Variants in TSHZ2 observed in about 807,000 individuals in gnomAD.
TSHZ2 encodes teashirt zinc finger homeobox 2.
Under a neutral mutation model 74.4 loss-of-function variants are expected in TSHZ2, and 21 were observed. The ratio of observed to expected loss-of-function variants is 0.28; its 90% confidence interval spans 0.20 to 0.41. The LOEUF is 0.41. Among genes scored for constraint, TSHZ2 ranks in the 10% least tolerant of loss-of-function variants. The pLI, the probability that TSHZ2 is intolerant of heterozygous loss-of-function variation, is 1.00. For synonymous variants in TSHZ2, 540 were observed against 515.3 expected, an observed-to-expected ratio of 1.05 and a Z score of -0.65; for missense variants, 1,244 against 1,293.5, an observed-to-expected ratio of 0.96 and a Z score of 0.59.
chr20:52,998,968 C>T (rs1430796707), intron 1 of TSHZ2, among the ~76,000 whole-genome samples: 2 of 152,186 alleles, frequency 1.3e-5, no homozygotes, highest in Non-Finnish European at 2.9e-5. Flanking sequence ...TAAGCACTTT[C>T]CACACATTCA....
At chr20:53,024,683 T>TC (rs1260745124) in intron 1 of TSHZ2, among the ~76,000 whole-genome samples, 1 of 152,100 alleles carries the variant, frequency 6.6e-6, no homozygotes, top group Non-Finnish European at 1.5e-5. Context: ...TGTGTGATGT[T>TC]CCCCCCACTG....
intron 1 of TSHZ2, among the ~76,000 whole-genome samples, chr20:53,137,498 C>T (rs910045209): frequency 6.6e-6 from 1 of 152,046 alleles, no homozygotes; most frequent in African/African-American, 2.4e-5. Flanking sequence ...CAGGAACTGC[C>T]CCTCCATTAA....
chr20:53,422,619 C>G (rs1384841070), intron 2 of TSHZ2, among the ~76,000 whole-genome samples: 1 of 152,160 alleles, frequency 6.6e-6, no homozygotes, highest in Non-Finnish European at 1.5e-5. Context: ...AAATTGACTT[C>G]CAGCACCACA....
intron 2 of TSHZ2, among the ~76,000 whole-genome samples, chr20:53,273,591 C>G (rs1990882864): frequency 6.6e-6 from 1 of 152,128 alleles, no homozygotes; most frequent in Admixed American, 6.5e-5. Flanking sequence ...GCCCAGCCTA[C>G]TTTCATTTTT....
At chr20:53,448,766 C>T (rs1487526755) in intron 2 of TSHZ2, among the ~76,000 whole-genome samples, 1 of 152,088 alleles carries the variant, frequency 6.6e-6, no homozygotes, top group African/African-American at 2.4e-5. Flanking sequence ...ATCCTGTTAC[C>T]CTAGCTGTGT....
intron 1 of TSHZ2, chr20:53,196,621 T>C (rs975047938): frequency 2.6e-5 from 4 of 152,238 alleles, no homozygotes; most frequent in African/African-American, 4.8e-5. Context: ...CCTTGTTTCA[T>C]GATGTCTTGT....
intron 2 of TSHZ2, among the ~76,000 whole-genome samples, chr20:53,298,997 C>G (rs1171665488): frequency 6.6e-6 from 1 of 152,176 alleles, no homozygotes; most frequent in African/African-American, 2.4e-5. Flanking sequence ...AGATGAGACT[C>G]TGCTTTCCAG....
At chr20:53,057,916 G>A (rs190342926) in intron 1 of TSHZ2, among the ~76,000 whole-genome samples, 1 of 152,318 alleles carries the variant, frequency 6.6e-6, no homozygotes, top group East Asian at 1.9e-4. Context: ...CCCCTCCCTG[G>A]AGGAAGTAAT....
chr20:53,283,285 C>T (rs1555845844), intron 2 of TSHZ2, among the ~76,000 whole-genome samples: 2 of 152,232 alleles, frequency 1.3e-5, no homozygotes, highest in Non-Finnish European at 2.9e-5. Context: ...GAACTCATGC[C>T]CTGTCCTGAT....
At chr20:53,467,197 C>T (rs545964561) in intron 2 of TSHZ2, among the ~76,000 whole-genome samples, 2 of 152,304 alleles carry the variant, frequency 1.3e-5, no homozygotes, top group African/African-American at 4.8e-5. Context: ...TTTTGAAATG[C>T]TATTTTCTCC....
intron 2 of TSHZ2, among the ~76,000 whole-genome samples, chr20:53,484,733 T>C (rs1344099976): frequency 1.3e-5 from 2 of 152,168 alleles, no homozygotes; most frequent in African/African-American, 4.8e-5. Context: ...TTAACAGTAA[T>C]GTGTATAAAG....
At chr20:53,338,368 G>C (rs1980042806) in intron 2 of TSHZ2, among the ~76,000 whole-genome samples, 1 of 152,154 alleles carries the variant, frequency 6.6e-6, no homozygotes, top group Admixed American at 6.5e-5. Context: ...TCTCCAAGGA[G>C]GGTCTCCTAT....
intron 1 of TSHZ2, among the ~76,000 whole-genome samples, chr20:52,979,480 C>T (rs1412682474): frequency 6.6e-6 from 1 of 152,042 alleles, no homozygotes; most frequent in Non-Finnish European, 1.5e-5. Context: ...TTATTTTGTC[C>T]AAGGGTATCA....
chr20:53,329,025 G>A (rs984350914), intron 2 of TSHZ2, among the ~76,000 whole-genome samples: 6 of 152,112 alleles, frequency 3.9e-5, no homozygotes, highest in African/African-American at 1.4e-4. Flanking sequence ...GTATCACCCA[G>A]GCAAGTAACA....
At chr20:53,388,344 G>A (rs1982122400) in intron 2 of TSHZ2, among the ~76,000 whole-genome samples, 1 of 152,168 alleles carries the variant, frequency 6.6e-6, no homozygotes, top group African/African-American at 2.4e-5. Context: ...AAATTATTGG[G>A]TATTCGCTCT....
At chr20:53,296,942 T>C (rs1308933643) in intron 2 of TSHZ2, among the ~76,000 whole-genome samples, 1 of 152,230 alleles carries the variant, frequency 6.6e-6, no homozygotes, top group Non-Finnish European at 1.5e-5. Context: ...GGAAATGATC[T>C]GCCCAAAGTG....
At chr20:53,402,588 G>A (rs1982707419) in intron 2 of TSHZ2, among the ~76,000 whole-genome samples, 1 of 152,196 alleles carries the variant, frequency 6.6e-6, no homozygotes, top group Non-Finnish European at 1.5e-5. Flanking sequence ...ATGAAAAAAA[G>A]CAGCAGAAAG....
intron 1 of TSHZ2, among the ~76,000 whole-genome samples, chr20:53,203,476 T>A (rs1989059322): frequency 6.6e-6 from 1 of 151,924 alleles, no homozygotes. Flanking sequence ...GTTTTGAGGG[T>A]TCATTGATTT....
At position 53,298,846 on chromosome 20, in the gene TSHZ2, T is replaced by C. The variant is rs79321271; in HGVS notation, c.*8+42275T>C. 1.5e-3 allele frequency among the ~76,000 whole-genome samples: 222 copies of C among 152,314 alleles called. 1 individual carries two copies. Among genetic ancestry groups the C allele is most frequent in the African/African-American group, 5.0e-3 (208 of 41,568 alleles). On this transcript the variant is annotated intron_variant, in intron 2 of 2. Transcript: ENST00000371497. The stretch of plus-strand genomic sequence containing the variant: ...GTCCTTAAAAGAGATTGGTCACAAA[T>C]AATTTTCAACACACCTGATAACTGT...
Sources: allele counts gnomAD v4.1 joint callset (sites outside exome capture counted in the v4.1 genomes callset), GRCh38; gene constraint gnomAD v4.1.1; transcripts MANE v1.5; gene names NCBI Gene and HGNC (gene_info 2026-07-23, HGNC 2026-07-21).